OPHN1: variants seen among roughly 807,000 people sequenced by gnomAD.
The protein encoded by OPHN1 is oligophrenin-1.
In OPHN1, 11 loss-of-function variants were observed where a neutral mutation model predicts 60.7. That is an observed-to-expected ratio of 0.18 (90% CI 0.11 to 0.30). OPHN1 has a LOEUF of 0.30. Ranked by LOEUF, OPHN1 falls within the 10% of genes least tolerant of loss-of-function variation. OPHN1 has a pLI of 1.00. For synonymous variants in OPHN1, 226 were observed against 222.6 expected (o/e 1.02, Z -0.14); for missense variants, 449 against 611.0 (o/e 0.73, Z 2.80).
intron 11 of OPHN1, among the ~76,000 whole-genome samples, chrX:68,197,899 G>A (rs921232193): frequency 9.0e-6 from 1 of 111,032 alleles, no homozygotes; most frequent in African/African-American, 3.3e-5. Flanking sequence ...TAATAAGGCA[G>A]TTACAGTAAT....
intron 5 of OPHN1, among the ~76,000 whole-genome samples, chrX:68,261,267 A>G (rs1449545360): frequency 2.7e-5 from 3 of 111,575 alleles, no homozygotes; most frequent in African/African-American, 9.8e-5. Context: ...TGAAAACATC[A>G]TACTGTGGGC....
chrX:68,392,051 T>C (rs1169182821), intron 2 of OPHN1, among the ~76,000 whole-genome samples: 1 of 111,796 alleles, frequency 8.9e-6, no homozygotes, highest in Non-Finnish European at 1.9e-5. Context: ...AAGGTATACA[T>C]ATTATCAAAA....
chrX:68,342,718 G>A (rs1452785304), intron 2 of OPHN1, among the ~76,000 whole-genome samples: 2 of 110,986 alleles, frequency 1.8e-5, no homozygotes, highest in Non-Finnish European at 3.8e-5. Context: ...AAGGTGGGAG[G>A]GTCGCTTGAA....
chrX:68,266,196 C>T lies in OPHN1; in HGVS notation c.384+8542G>A, dbSNP rs183329026. 1.6e-4 allele frequency among the ~76,000 whole-genome samples: 18 copies of T among 110,849 alleles called. No homozygotes were observed. In the East Asian group the frequency reaches 5.1e-3, roughly 32 times the overall value. On this transcript the variant is annotated intron_variant, in intron 5 of 24. Coordinates refer to ENST00000355520, the MANE Select transcript of OPHN1 (RefSeq NM_002547.3). ...CAGAGAACGCCACAAAGATACTCCT[C>T]GAGAAGAGCAACTCCAAGACACATA...
In OPHN1 at chrX:68,197,172, G is replaced by C; in HGVS notation, c.1104+14C>G. ...CATATGCTGGGGAGGTTTCCCCAGT[G>C]TCAGGTAACTTACAGGTTCTTTCCC... On this transcript the variant is annotated intron_variant, in intron 12 of 24. Transcript: ENST00000355520. 1 of 1,189,082 alleles carries C rather than the reference G, an allele frequency of 8.4e-7. No individual in the cohort carries two copies.
chrX:68,193,833 G>A (rs748757404), intron 14 of OPHN1, 57 bp downstream of exon 14: 59 of 1,019,495 alleles, frequency 5.8e-5, no homozygotes. Flanking sequence ...AAATTGCCCA[G>A]GATAAAATCA....
intron 2 of OPHN1, among the ~76,000 whole-genome samples, chrX:68,317,584 AG>A (rs1330941409): frequency 0.026 from 2,569 of 97,028 alleles, 234 homozygotes; most frequent in African/African-American, 0.1. Context: ...AGAGAAAGAA[AG>A]AAAGAGAGAG....
At chrX:68,235,232 G>A (rs754692758) in intron 5 of OPHN1, among the ~76,000 whole-genome samples, 64 of 112,197 alleles carry the variant, frequency 5.7e-4, no homozygotes, top group African/African-American at 2.1e-3. Flanking sequence ...ATTTAATTAA[G>A]TTCTCTGCTA....
chrX:68,408,904 T>C (rs1429607673), intron 2 of OPHN1, among the ~76,000 whole-genome samples: 1 of 112,484 alleles, frequency 8.9e-6, no homozygotes, highest in African/African-American at 3.2e-5. Context: ...GAGGCTGCAG[T>C]GAGCCAAGAT....
intron 2 of OPHN1, among the ~76,000 whole-genome samples, chrX:68,378,687 G>A (rs2078575811): frequency 8.9e-6 from 1 of 111,741 alleles, no homozygotes; most frequent in African/African-American, 3.3e-5. Context: ...TATTAAACAG[G>A]GAATCCTTTC....
intron 2 of OPHN1, among the ~76,000 whole-genome samples, chrX:68,340,164 A>C (rs943884808): frequency 3.6e-5 from 4 of 112,176 alleles, no homozygotes; most frequent in Non-Finnish European, 7.5e-5. Context: ...ATTTAACTGC[A>C]ATGTCTAACA....
chrX:68,419,898 A>C (rs987039317), intron 2 of OPHN1, among the ~76,000 whole-genome samples: 3 of 111,253 alleles, frequency 2.7e-5, no homozygotes, highest in Non-Finnish European at 5.7e-5. Context: ...AAAAATGCCC[A>C]AGGTTACTCC....
chrX:68,165,115 C>G (rs181458638), intron 15 of OPHN1, among the ~76,000 whole-genome samples: 104 of 111,606 alleles, frequency 9.3e-4, no homozygotes, highest in Middle Eastern at 4.7e-3. Flanking sequence ...ATCCAGACCA[C>G]TCAAACTTTC....
At chrX:68,428,617 T>C (rs183485847) in intron 2 of OPHN1, among the ~76,000 whole-genome samples, 1 of 112,527 alleles carries the variant, frequency 8.9e-6, no homozygotes, top group East Asian at 2.8e-4. Flanking sequence ...TCCAAGTATG[T>C]ATTGAATGAA....
chrX:68,322,806 C>T (rs914722666), intron 2 of OPHN1, among the ~76,000 whole-genome samples: 3 of 111,213 alleles, frequency 2.7e-5, no homozygotes, highest in Admixed American at 9.6e-5. Context: ...TAAAACAAAA[C>T]AGAAAGTTGC....
chrX:68,060,931 CT>C (rs1303068239), intron 21 of OPHN1, among the ~76,000 whole-genome samples: 117 of 112,025 alleles, frequency 1.0e-3, no homozygotes, highest in African/African-American at 3.5e-3. Context: ...TAACCGATAA[CT>C]CTTCAGATGC....
chrX:68,075,779 CAAAAAAA>C (rs35536405), intron 19 of OPHN1, among the ~76,000 whole-genome samples: 5 of 39,862 alleles, frequency 1.3e-4, no homozygotes, highest in African/African-American at 3.6e-4. Flanking sequence ...TATACATAGG[CAAAAAAA>C]AAAAAAAAAA....
intron 5 of OPHN1, among the ~76,000 whole-genome samples, chrX:68,257,107 G>A (rs764308945): frequency 2.7e-5 from 3 of 111,208 alleles, no homozygotes; most frequent in Non-Finnish European, 5.7e-5. Flanking sequence ...ACAGTACGGT[G>A]TAAATGTAAC....
rs549671092 is a variant in OPHN1 at position 68,052,059 on chromosome X, G to A, written c.2375+481C>T. Reference sequence around the variant, plus strand: ...AATCCCAGCACTTTGGGAGGCTGAGGTGGATGGATCACCTGAGGTCAGGAG... The same window carrying A: ...AATCCCAGCACTTTGGGAGGCTGAGATGGATGGATCACCTGAGGTCAGGAG... On this transcript the variant is annotated intron_variant, in intron 23 of 24. Coordinates refer to ENST00000355520, the MANE Select transcript of OPHN1 (RefSeq NM_002547.3). 3.1e-4 allele frequency among the ~76,000 whole-genome samples: 35 copies of A among 112,361 alleles called. No homozygotes were observed. The South Asian group carries it at 0.011, about 36-fold the overall frequency.
Sources: allele counts gnomAD v4.1 joint callset (sites outside exome capture counted in the v4.1 genomes callset), GRCh38; gene constraint gnomAD v4.1.1; transcripts MANE v1.5; gene names NCBI Gene and HGNC (gene_info 2026-07-23, HGNC 2026-07-21).